The following SGO2 variants were observed in gnomAD, a reference collection of about 807,000 sequenced individuals.
SGO2 encodes the protein shugoshin-like 2.
Under a neutral mutation model 99.5 loss-of-function variants are expected in SGO2, and 68 were observed. That is an observed-to-expected ratio of 0.68 (90% confidence interval 0.56 to 0.84). The LOEUF (loss-of-function observed/expected upper bound fraction) is 0.84. Ranked by LOEUF, SGO2 falls within the 40% of genes least tolerant of loss-of-function variation. The pLI, the probability that SGO2 is intolerant of heterozygous loss-of-function variation, is 0.00. For missense variants in SGO2, 1,350 were observed against 1,436.7 expected, an observed-to-expected ratio of 0.94 and a Z score of 0.97; for synonymous variants, 457 against 487.1, an observed-to-expected ratio of 0.94 and a Z score of 0.81.
In SGO2 at chr2:200,572,041, A is replaced by G. The variant is rs1323922950; in HGVS notation, c.1695A>G (p.Thr565=). ...CCATTTATGAAAACCTAGACGTCACAAATGAATTTCACACAGCCAATCTTT... is the reference window on the plus strand; with the variant it reads ...CCATTTATGAAAACCTAGACGTCACGAATGAATTTCACACAGCCAATCTTT... The part of the protein sequence containing the change: ...KVTIYENLDV[T]NEFHTANLST... The change falls in exon 7 of 9, where the codon ACA becomes ACG. Residue 565 remains threonine (T), a synonymous_variant. Transcript: ENST00000357799. 6.2e-7 allele frequency: 1 copy of G among 1,613,508 alleles called. No homozygotes were observed.
At chr2:200,528,150 T>C (rs1307811250) in intron 1 of SGO2, among the ~76,000 whole-genome samples, 1 of 152,226 alleles carries the variant, frequency 6.6e-6, no homozygotes, top group East Asian at 1.9e-4. Flanking sequence ...TCAAATTGTA[T>C]AGTACTTTCT....
In SGO2 at chr2:200,583,384, C is replaced by T. The variant is rs2033900600; in HGVS notation, c.3783-65C>T. ...GATATGATGAAACAATTTTCTTCTC[C>T]ATGCTTCACAGCAAAAGCATTAATT... On this transcript the variant is annotated intron_variant, in intron 8 of 8. Transcript: ENST00000357799. 11 of 1,399,198 alleles carry T rather than the reference C, an allele frequency of 7.9e-6. No homozygotes were observed. In the South Asian group the frequency reaches 1.4e-4, roughly 18 times the overall value. 86.7% of individuals were successfully genotyped at this position (1,399,198 alleles called of 1,614,324 possible). A position where few individuals can be genotyped will look rare whatever the true frequency, so the allele number is the denominator to read the frequency against.
chr2:200,561,647 A>G (rs1001800471), intron 5 of SGO2, among the ~76,000 whole-genome samples: 105 of 152,330 alleles, frequency 6.9e-4, no homozygotes, highest in Non-Finnish European at 1.3e-3. Context: ...GTCTTCCACA[A>G]TGGTTGAACT....
chr2:200,573,357 A>C lies in SGO2; in HGVS notation c.3011A>C (p.Lys1004Thr). The change falls in exon 7 of 9, where the codon AAA (lysine) becomes ACA (threonine). Residue 1004 changes from lysine (K) to threonine (T), a missense_variant. By Grantham distance (78) the Lys-to-Thr change is moderately conservative. Transcript: ENST00000357799. The stretch of plus-strand genomic sequence containing the variant: ...AACATTTTGACAAAAGCTAAGAACA[A>C]ACTTGCTTCACAGTTAACAGAATCT... The part of the protein sequence containing the change: ...AKNILTKAKN[K>T]LASQLTESSQ... 6.2e-7 allele frequency: 1 copy of C among 1,604,106 alleles called. No individual in the cohort carries two copies. The highest frequency in any genetic ancestry group is 2.2e-5 in the East Asian group (1 of 44,780).
rs184155741 is a variant in SGO2, at chr2:200,540,290, A to T, written c.388-2289A>T. Among the ~76,000 whole-genome samples the T allele has an allele frequency of 4.4e-4, 67 of 152,280 alleles. 1 individual carries two copies. Among genetic ancestry groups the T allele is most frequent in the Admixed American group, 3.7e-3 (57 of 15,294 alleles). On this transcript the variant is annotated intron_variant, in intron 4 of 8. Coordinates refer to ENST00000357799, the MANE Select transcript of SGO2 (RefSeq NM_152524.6). ...ATTGATTTTTGATTGTATCTTGGAC[A>T]TTTTAGATGCATTATAAGACATTGG...
Position 200,570,999 on chromosome 2 carries a change from CTT to C in SGO2, c.704-50_704-49del. On this transcript the variant is annotated intron_variant, in intron 6 of 8. Transcript: ENST00000357799. The surrounding 1 kb of genome is among the most constrained non-coding windows in gnomAD (Gnocchi z 4.4). ...TTCGAATCTAATTTGTTTAAGGTAA[CTT>C]ATTTATTTCATTACTTGTTTCTGAG... 6.7e-7 allele frequency: 1 copy of C among 1,486,828 alleles called. No homozygotes were observed. The highest frequency in any genetic ancestry group is 2.3e-5 in the Admixed American group (1 of 42,872). 92.1% of individuals were successfully genotyped at this position (1,486,828 alleles called of 1,614,324 possible).
intron 4 of SGO2, among the ~76,000 whole-genome samples, chr2:200,542,344 A>C (rs987159001): frequency 6.6e-6 from 1 of 152,216 alleles, no homozygotes; most frequent in Non-Finnish European, 1.5e-5. Flanking sequence ...ATTCCTACAC[A>C]TAGAAGAATG....
In SGO2 at chr2:200,572,061, A is replaced by G. The variant is rs755918236; in HGVS notation, c.1715A>G (p.Asn572Ser). 13 of 1,613,528 alleles carry G rather than the reference A, an allele frequency of 8.1e-6. No homozygotes were observed. Among genetic ancestry groups the G allele is most frequent in the African/African-American group, 1.3e-5 (1 of 75,024 alleles). The change falls in exon 7 of 9, where the codon AAT (asparagine) becomes AGT (serine). Residue 572 changes from asparagine (N) to serine (S), a missense_variant. Transcript: ENST00000357799. ...GTCACAAATGAATTTCACACAGCCA[A>G]TCTTTCCACCAAAGATAATGGAAAT... Reference protein sequence around the residue: ...LDVTNEFHTANLSTKDNGNLC... With the variant: ...LDVTNEFHTASLSTKDNGNLC...
At chr2:200,569,371 C>T (rs965151877) in intron 5 of SGO2, among the ~76,000 whole-genome samples, 2 of 151,838 alleles carry the variant, frequency 1.3e-5, no homozygotes, top group Non-Finnish European at 1.5e-5. Context: ...TACATTTGAA[C>T]TTTTTTCATT....
chr2:200,573,818 G>A lies in SGO2; in HGVS notation c.3472G>A (p.Gly1158Ser), dbSNP rs1405911884. ...QDSSFDSVRE[G>S]LVPLSVSSGK... ...TTCTTCCTTTGACAGTGTTCGTGAAGGTTTAGTACCTTTGAGCGTTTCTTC... is the reference window on the plus strand; with the variant it reads ...TTCTTCCTTTGACAGTGTTCGTGAAAGTTTAGTACCTTTGAGCGTTTCTTC... The change falls in exon 7 of 9, where the codon GGT becomes AGT. Residue 1158 changes from glycine (G) to serine (S), a missense_variant. Coordinates refer to ENST00000357799, the MANE Select transcript of SGO2 (RefSeq NM_152524.6). The A allele has an allele frequency of 1.2e-6, 2 of 1,612,986 alleles. No individual in the cohort carries two copies. The highest frequency in any genetic ancestry group is 1.7e-6 in the Non-Finnish European group (2 of 1,179,374).
In SGO2 at chr2:200,573,246, G is replaced by A. The variant is rs1330202006; in HGVS notation, c.2900G>A (p.Ser967Asn). Residue 967 changes from serine to asparagine, a missense_variant, in exon 7 of 9, where the codon AGT (serine) becomes AAT (asparagine). Coordinates refer to ENST00000357799, the MANE Select transcript of SGO2 (RefSeq NM_152524.6). ...IINKHYMEVNSNEKESCDQIL... is the reference protein window; with the variant it reads ...IINKHYMEVNNNEKESCDQIL... Reference sequence around the variant, plus strand: ...AATAAACACTATATGGAAGTCAACAGTAATGAAAAGGAAAGTTGTGATCAA... The same window carrying A: ...AATAAACACTATATGGAAGTCAACAATAATGAAAAGGAAAGTTGTGATCAA... 6.3e-7 allele frequency: 1 copy of A among 1,592,622 alleles called. No homozygotes were observed. Among genetic ancestry groups the A allele is most frequent in the East Asian group, 2.2e-5 (1 of 44,674 alleles).
intron 1 of SGO2, 71 bp from the exon 2 acceptor site, chr2:200,532,903 T>G (rs1313454447): frequency 7.0e-7 from 1 of 1,421,762 alleles, no homozygotes; most frequent in East Asian, 2.5e-5. Context: ...TGTTACTTTT[T>G]AAAATGTATT....
intron 1 of SGO2, among the ~76,000 whole-genome samples, chr2:200,527,739 A>G (rs1239865488): frequency 6.6e-6 from 1 of 152,254 alleles, no homozygotes; most frequent in African/African-American, 2.4e-5. Flanking sequence ...GTACTAAGGT[A>G]CAGAAGCAAA....
chr2:200,571,704 A>T lies in SGO2; in HGVS notation c.1358A>T (p.Asn453Ile), dbSNP rs370880356. ...RGAEDPGFIFNNEQLAQMNEQ... is the reference protein window; with the variant it reads ...RGAEDPGFIFINEQLAQMNEQ... Reference sequence around the variant, plus strand: ...GCAGAAGATCCCGGTTTTATTTTCAATAATGAACAGCTGGCTCAGATGAAT... The same window carrying T: ...GCAGAAGATCCCGGTTTTATTTTCATTAATGAACAGCTGGCTCAGATGAAT... Residue 453 changes from asparagine (N) to isoleucine (I), a missense_variant, in exon 7 of 9, where the codon AAT becomes ATT. Physicochemically the swap from Asn to Ile is moderately radical, Grantham distance 149. Coordinates refer to ENST00000357799, the MANE Select transcript of SGO2 (RefSeq NM_152524.6). 8.7e-6 allele frequency: 14 copies of T among 1,613,678 alleles called. No individual in the cohort carries two copies. The highest frequency in any genetic ancestry group is 1.2e-5 in the Non-Finnish European group (14 of 1,179,732).
chr2:200,561,265 A>T (rs939409577), intron 5 of SGO2, among the ~76,000 whole-genome samples: 1 of 152,074 alleles, frequency 6.6e-6, no homozygotes, highest in African/African-American at 2.4e-5. Flanking sequence ...TCATTGTTCA[A>T]TTCCCACCTA....
intron 1 of SGO2, chr2:200,532,456 T>C: frequency 3.0e-6 from 3 of 984,156 alleles, no homozygotes; most frequent in Non-Finnish European, 3.6e-6. Context: ...TCCTCTGCAT[T>C]GTGTATTGTA....
intron 1 of SGO2, among the ~76,000 whole-genome samples, chr2:200,529,629 C>T (rs1431268946): frequency 6.6e-6 from 1 of 152,200 alleles, no homozygotes; most frequent in African/African-American, 2.4e-5. Flanking sequence ...TGGGTTCAAG[C>T]ATTTCTCCTG....
intron 8 of SGO2, among the ~76,000 whole-genome samples, chr2:200,582,267 G>T (rs2033861104): frequency 6.6e-6 from 1 of 152,126 alleles, no homozygotes; most frequent in Non-Finnish European, 1.5e-5. Flanking sequence ...ACTCAGAGGG[G>T]AACTGACCTT....
intron 5 of SGO2, among the ~76,000 whole-genome samples, chr2:200,545,209 G>T (rs1309573410): frequency 6.6e-6 from 1 of 152,092 alleles, no homozygotes; most frequent in Non-Finnish European, 1.5e-5. Flanking sequence ...GTTTTGCCAT[G>T]TTGCCCAGGC....
Sources: allele counts gnomAD v4.1 joint callset (sites outside exome capture counted in the v4.1 genomes callset), GRCh38; gene constraint gnomAD v4.1.1; non-coding constraint Gnocchi (gnomAD v3.1); transcripts MANE v1.5; gene names NCBI Gene and HGNC (gene_info 2026-07-23, HGNC 2026-07-21).